DLC1: variants seen among roughly 807,000 people sequenced by gnomAD.
The protein encoded by DLC1 is DLC1 Rho GTPase activating protein, also known as rho GTPase-activating protein 7.
Under a neutral mutation model 140.3 loss-of-function variants are expected in DLC1, and 54 were observed. The observed-to-expected ratio is 0.38, with a 90% CI of 0.31 to 0.48. The LOEUF (loss-of-function observed/expected upper bound fraction) is 0.48. Among genes scored for constraint, DLC1 ranks in the 20% least tolerant of loss-of-function variants. DLC1 has a pLI of 0.96. For missense variants in DLC1, 2,536 were observed against 1,907.0 expected (o/e 1.33, Z -6.14); for synonymous variants, 986 against 728.1 (o/e 1.35, Z -5.70).
At chr8:13,290,257 T>C (rs983179534) in intron 5 of DLC1, among the ~76,000 whole-genome samples, 6 of 152,164 alleles carry the variant, frequency 3.9e-5, no homozygotes, top group African/African-American at 1.4e-4. Context: ...AGATGTGAAA[T>C]TTCCACTGAT....
chr8:13,401,318 G>A, intron 3 of DLC1, 152 bp downstream of exon 3: 3 of 856,944 alleles, frequency 3.5e-6, no homozygotes, highest in Non-Finnish European at 5.1e-6. Flanking sequence ...TATGCATGAT[G>A]CATAGAAGTA....
chr8:13,499,881 C>A lies in DLC1; in HGVS notation c.191G>T (p.Cys64Phe), dbSNP rs368047075. 6.2e-7 allele frequency: 1 copy of A among 1,614,076 alleles called. No individual in the cohort carries two copies. The highest frequency in any genetic ancestry group is 8.5e-7 in the Non-Finnish European group (1 of 1,179,992). ...ATCTCTCAGCTCTGATCCATGACAG[C>A]AGTCAGGTAGTGAAACACACTTCTC... Reference protein sequence around the residue: ...RKEKCVSLPDCCHGSELRDFP... With the variant: ...RKEKCVSLPDFCHGSELRDFP... The change falls in exon 2 of 18, where the codon TGC (cysteine) becomes TTC (phenylalanine). Residue 64 changes from cysteine to phenylalanine, a missense_variant. Cys to Phe is a radical substitution (Grantham distance 205). Transcript: ENST00000276297.
intron 5 of DLC1, among the ~76,000 whole-genome samples, chr8:13,238,634 G>A (rs548368743): frequency 6.6e-5 from 10 of 152,090 alleles, no homozygotes; most frequent in Non-Finnish European, 8.8e-5. Context: ...TCCTTAATCA[G>A]CTCCCCTCCA....
chr8:13,221,724 G>GTATATATATATATATA (rs1311540477), intron 5 of DLC1, among the ~76,000 whole-genome samples: 5 of 132,968 alleles, frequency 3.8e-5, no homozygotes, highest in African/African-American at 1.4e-4. Flanking sequence ...GTGTGTGTGT[G>GTATATATATATATATA]TGTATATATA....
chr8:13,511,033 A>C (rs1169814622), intron 1 of DLC1, among the ~76,000 whole-genome samples: 1 of 152,116 alleles, frequency 6.6e-6, no homozygotes, highest in Non-Finnish European at 1.5e-5. Context: ...TTTATTGACA[A>C]ATAAGTGTTG....
chr8:13,416,642 A>G lies in DLC1; in HGVS notation c.1024-15023T>C, dbSNP rs928267661. Among the ~76,000 whole-genome samples the G allele has an allele frequency of 4.6e-5, 7 of 152,348 alleles. No homozygotes were observed. The East Asian group carries it at 1.2e-3, about 25-fold the overall frequency. On this transcript the variant is annotated intron_variant, in intron 2 of 17. Transcript: ENST00000276297. ...AGTATAAACAAAATCTCTAACAAAT[A>G]GGAAAATGTTCAGATTCATAAACCC...
chr8:13,255,601 A>T (rs1182763994), intron 5 of DLC1, among the ~76,000 whole-genome samples: 1 of 152,198 alleles, frequency 6.6e-6, no homozygotes, highest in African/African-American at 2.4e-5. Context: ...GCCAAGCAAG[A>T]TGACTCTGGA....
chr8:13,150,720 A>G (rs1823742813), intron 5 of DLC1, among the ~76,000 whole-genome samples: 1 of 152,248 alleles, frequency 6.6e-6, no homozygotes, highest in African/African-American at 2.4e-5. Flanking sequence ...TTTCAGTAAC[A>G]GTTTAATGTG....
At chr8:13,457,464 G>A (rs200817400) in intron 2 of DLC1, among the ~76,000 whole-genome samples, 302 of 151,970 alleles carry the variant, frequency 2.0e-3, no homozygotes, top group African/African-American at 6.9e-3. Flanking sequence ...AGATCATGAG[G>A]TCAAGAAATC....
At chr8:13,325,309 C>T (rs1045936053) in intron 4 of DLC1, among the ~76,000 whole-genome samples, 2 of 152,104 alleles carry the variant, frequency 1.3e-5, no homozygotes, top group Admixed American at 6.6e-5. Flanking sequence ...GGAAACTGTT[C>T]GATTATTTCA....
chr8:13,134,974 G>A (rs1043889253), intron 5 of DLC1, among the ~76,000 whole-genome samples: 14 of 152,196 alleles, frequency 9.2e-5, no homozygotes, highest in African/African-American at 3.4e-4. Context: ...CAACAGGGTT[G>A]TATGAAAAAG....
At position 13,089,385 on chromosome 8, in the gene DLC1, T is replaced by C. The variant is rs1817848738; in HGVS notation, c.4075-681A>G. Among the ~76,000 whole-genome samples, 3 of 151,474 alleles carry C rather than the reference T, an allele frequency of 2.0e-5. No individual in the cohort carries two copies. In the South Asian group the frequency reaches 6.3e-4, roughly 32 times the overall value. Reference sequence around the variant, plus strand: ...GCTCACGCCTATAATCCCAGCACTTTGGGAGGCCAAGGTGGGCAGTCACAA... The same window carrying C: ...GCTCACGCCTATAATCCCAGCACTTCGGGAGGCCAAGGTGGGCAGTCACAA... On this transcript the variant is annotated intron_variant, in intron 15 of 17. Transcript: ENST00000276297.
chr8:13,122,712 C>G (rs1028432960), intron 5 of DLC1, among the ~76,000 whole-genome samples: 3 of 150,536 alleles, frequency 2.0e-5, no homozygotes, highest in African/African-American at 7.4e-5. Flanking sequence ...CTAATGTTAT[C>G]TAATCACAGT....
In DLC1 at chr8:13,377,536, G is replaced by A. The variant is rs546043785; in HGVS notation, c.1314+16017C>T. Among the ~76,000 whole-genome samples the A allele has an allele frequency of 1.1e-4, 17 of 152,216 alleles. No homozygotes were observed. In the South Asian group the frequency reaches 3.5e-3, roughly 32 times the overall value. ...GTAGAAATGAAAACAGCAAATATAT[G>A]TCAAAACTGCTTCCTTATCCTAAGA... On this transcript the variant is annotated intron_variant, in intron 4 of 17. Transcript: ENST00000276297.
intron 1 of DLC1, among the ~76,000 whole-genome samples, chr8:13,536,913 A>G (rs1803303978): frequency 6.6e-6 from 1 of 152,190 alleles, no homozygotes; most frequent in South Asian, 2.1e-4. Context: ...AAATTACTAT[A>G]TTTTTGGAAA....
chr8:13,443,134 C>T (rs1798609612), intron 2 of DLC1, among the ~76,000 whole-genome samples: 2 of 139,822 alleles, frequency 1.4e-5, no homozygotes, highest in South Asian at 2.2e-4. Context: ...TGTTCTGACT[C>T]ATAGGTGGGA....
chr8:13,152,012 G>A (rs1823855277), intron 5 of DLC1, among the ~76,000 whole-genome samples: 1 of 152,142 alleles, frequency 6.6e-6, no homozygotes, highest in Admixed American at 6.5e-5. Context: ...CTATTGCTGT[G>A]TCATATTATG....
At chr8:13,281,103 G>T (rs539712963) in intron 5 of DLC1, among the ~76,000 whole-genome samples, 1 of 152,358 alleles carries the variant, frequency 6.6e-6, no homozygotes, top group South Asian at 2.1e-4. Context: ...TCTGTTCATT[G>T]TGATAACTGG....
intron 1 of DLC1, among the ~76,000 whole-genome samples, chr8:13,581,963 G>T (rs1444805841): frequency 6.6e-6 from 1 of 152,180 alleles, no homozygotes; most frequent in African/African-American, 2.4e-5. Flanking sequence ...GAAAAACTCT[G>T]TGTGTGAGTG....
Sources: allele counts gnomAD v4.1 joint callset (sites outside exome capture counted in the v4.1 genomes callset), GRCh38; gene constraint gnomAD v4.1.1; transcripts MANE v1.5; gene names NCBI Gene and HGNC (gene_info 2026-07-23, HGNC 2026-07-21).